Variants in GSTM2 observed in about 807,000 individuals in gnomAD.
GSTM2 encodes the protein GST class-mu 2.
In GSTM2, 33 loss-of-function variants were observed where a neutral mutation model predicts 33.3. The observed-to-expected ratio is 0.99, with a 90% CI of 0.75 to 1.33. The LOEUF (loss-of-function observed/expected upper bound fraction) is 1.33. Among genes scored for constraint, GSTM2 ranks in the 40% most tolerant of loss-of-function variants. The pLI is 0.00. For synonymous variants in GSTM2, 93 were observed against 95.6 expected (o/e 0.97, Z 0.16); for missense variants, 213 against 265.8 (o/e 0.80, Z 1.38).
rs746429241 is a variant in GSTM2, at chr1:109,668,523, G to A, written c.112+23G>A. ...ACGGTAATGGCACCCTCGAGTCTGG[G>A]CCCTGCCCCCTCACACTAAGTTGGC... On this transcript the variant is annotated intron_variant, in intron 2 of 7. Coordinates refer to ENST00000241337, the MANE Select transcript of GSTM2 (RefSeq NM_000848.4). 9 of 1,613,008 alleles carry A rather than the reference G, an allele frequency of 5.6e-6. No homozygotes were observed. The Admixed American group carries it at 1.5e-4, about 27-fold the overall frequency.
chr1:109,680,449 GA>G (rs1647836573), intron 7 of GSTM2, among the ~76,000 whole-genome samples: 2 of 148,436 alleles, frequency 1.3e-5, no homozygotes, highest in South Asian at 4.5e-4. Context: ...TTTGAGGGAA[GA>G]TATTATCTTT....
downstream of GSTM2, among the ~76,000 whole-genome samples, chr1:109,678,061 G>T (rs573692226): frequency 1.3e-5 from 2 of 152,276 alleles, no homozygotes; most frequent in South Asian, 4.1e-4. Flanking sequence ...ATTCTCTTTA[G>T]ATTTTTATTC....
intron 2 of GSTM2, 26 bp downstream of exon 2, chr1:109,668,526 C>G (rs775676453): frequency 1.1e-5 from 17 of 1,611,754 alleles, no homozygotes; most frequent in Admixed American, 1.7e-5. Context: ...AGTCTGGGCC[C>G]TGCCCCCTCA....
chr1:109,669,766 G>A lies in GSTM2; in HGVS notation c.360+195G>A, dbSNP rs568148096. The A allele has an allele frequency of 3.8e-5, 22 of 575,978 alleles. No homozygotes were observed. In the South Asian group the frequency reaches 4.0e-4, roughly 11 times the overall value. The allele number at this position is 575,978 out of a possible 1,614,324, so 35.7% of individuals were successfully genotyped here. A position where few individuals can be genotyped will look rare whatever the true frequency, so the allele number is the denominator to read the frequency against. ...GTGTCCGGAGTTTGTTCCTTCAGAT[G>A]TTCAGATGTGTCCGCAGTTTCTTCC... On this transcript the variant is annotated intron_variant, in intron 5 of 7. Coordinates refer to ENST00000241337, the MANE Select transcript of GSTM2 (RefSeq NM_000848.4).
intron 7 of GSTM2, 122 bp downstream of exon 7, chr1:109,671,705 C>T (rs1344933040): frequency 1.8e-5 from 13 of 735,058 alleles, no homozygotes; most frequent in Admixed American, 5.9e-5. Context: ...CGGTGGCTCA[C>T]GCCTGTAATC....
rs749281284 is a variant in GSTM2, at chr1:109,669,462, C to T, written c.260-9C>T. The T allele has an allele frequency of 2.1e-5, 34 of 1,613,528 alleles. No individual in the cohort carries two copies. The highest frequency in any genetic ancestry group is 4.0e-5 in the African/African-American group (3 of 74,896). On this transcript the variant is annotated splice_polypyrimidine_tract_variant and intron_variant, in intron 4 of 7. Coordinates refer to ENST00000241337, the MANE Select transcript of GSTM2 (RefSeq NM_000848.4). ...TGAGGCTGAGAGTGAATCTGCTTTACGAGGGTAGGCGGGGAATCAGAAAAG... is the reference window on the plus strand; with the variant it reads ...TGAGGCTGAGAGTGAATCTGCTTTATGAGGGTAGGCGGGGAATCAGAAAAG...
At chr1:109,678,808 C>T (rs1050768286), downstream of GSTM2, among the ~76,000 whole-genome samples, 1 of 151,490 alleles carries the variant, frequency 6.6e-6, no homozygotes, top group Non-Finnish European at 1.5e-5. Context: ...TATATGCATG[C>T]CTACTTCTAA....
chr1:109,669,195 C>T, intron 3 of GSTM2, 95 bp from the exon 4 acceptor site: 2 of 1,424,996 alleles, frequency 1.4e-6, no homozygotes, highest in Non-Finnish European at 9.9e-7. Context: ...CTGCCATGAG[C>T]AGGCCCTGGT....
At chr1:109,670,352 C>T (rs1317535771) in intron 5 of GSTM2, 2 of 152,030 alleles carry the variant, frequency 1.3e-5, no homozygotes, top group Non-Finnish European at 2.9e-5. Context: ...CCAGCTTCAC[C>T]TCTCATTTTG....
chr1:109,678,599 A>T (rs565702189), downstream of GSTM2, among the ~76,000 whole-genome samples: 32 of 150,930 alleles, frequency 2.1e-4, no homozygotes, highest in African/African-American at 7.3e-4. Context: ...TATCAAAATT[A>T]TTTTTTTTTG....
intron 1 of GSTM2, 116 bp from the exon 2 acceptor site, chr1:109,668,309 G>A: frequency 7.3e-7 from 1 of 1,370,024 alleles, no homozygotes; most frequent in Non-Finnish European, 1.0e-6. Flanking sequence ...TGGGCGTGCG[G>A]GGTGGGGGCG....
chr1:109,679,801 T>G (rs1647813756), downstream of GSTM2, among the ~76,000 whole-genome samples: 3 of 152,206 alleles, frequency 2.0e-5, no homozygotes, highest in South Asian at 6.2e-4. Context: ...CTCAGATGGC[T>G]GGTAAAATTA....
chr1:109,672,115 T>C (rs1490128449), intron 7 of GSTM2, among the ~76,000 whole-genome samples: 1 of 142,088 alleles, frequency 7.0e-6, no homozygotes, highest in East Asian at 2.1e-4. Flanking sequence ...CCCCTGTCTC[T>C]ACTAAAAATA....
At position 109,668,467 on chromosome 1, in the gene GSTM2, A is replaced by T. The variant is rs1409750237; in HGVS notation, c.79A>T (p.Ser27Cys). 6.2e-7 allele frequency: 1 copy of T among 1,614,190 alleles called. No homozygotes were observed. Among genetic ancestry groups the T allele is most frequent in the Admixed American group, 1.7e-5 (1 of 60,022 alleles). ...IRLLLEYTDS[S>C]YEEKKYTMGD... ...CCTGCTCCTGGAATACACAGACTCAAGCTACGAGGAAAAGAAGTACACGAT... is the reference window on the plus strand; with the variant it reads ...CCTGCTCCTGGAATACACAGACTCATGCTACGAGGAAAAGAAGTACACGAT... Residue 27 changes from serine (S) to cysteine (C), a missense_variant, in exon 2 of 8, where the codon AGC becomes TGC. Ser to Cys is a moderately radical substitution (Grantham distance 112, BLOSUM62 -1). Coordinates refer to ENST00000241337, the MANE Select transcript of GSTM2 (RefSeq NM_000848.4).
intron 5 of GSTM2, 87 bp downstream of exon 5, chr1:109,669,658 C>A: frequency 1.2e-6 from 1 of 844,726 alleles, no homozygotes; most frequent in South Asian, 1.6e-5. Context: ...AAATTGATTC[C>A]TTCTGGTGAG....
chr1:109,674,116 C>G (rs1647639025), intron 7 of GSTM2, among the ~76,000 whole-genome samples: 1 of 152,226 alleles, frequency 6.6e-6, no homozygotes, highest in African/African-American at 2.4e-5. Context: ...CCCCATTCCA[C>G]TTTCATCCAG....
chr1:109,668,129 T>A lies in GSTM2; in HGVS notation c.14T>A (p.Leu5Gln). The A allele has an allele frequency of 6.2e-7, 1 of 1,600,524 alleles. No individual in the cohort carries two copies. Among genetic ancestry groups the A allele is most frequent in the Non-Finnish European group, 8.5e-7 (1 of 1,173,830 alleles). MPMT[L>Q]GYWNIRGLAH... ...GCAACCAGCACCATGCCCATGACAC[T>A]GGGGTACTGGAACATCCGCGGGGTG... Residue 5 changes from leucine to glutamine, a missense_variant, in exon 1 of 8, where the codon CTG (leucine) becomes CAG (glutamine). Physicochemically the swap from Leu to Gln is moderately radical, Grantham distance 113. Transcript: ENST00000241337.
downstream of GSTM2, among the ~76,000 whole-genome samples, chr1:109,677,228 G>A (rs372826898): frequency 6.6e-5 from 10 of 152,256 alleles, no homozygotes; most frequent in African/African-American, 2.4e-4. Flanking sequence ...ATTGCTGGTG[G>A]GAAAGCCACT....
rs1647423477 is a variant in GSTM2, at chr1:109,668,773, C to T, written c.113-152C>T. 4 of 1,004,888 alleles carry T rather than the reference C, an allele frequency of 4.0e-6. No homozygotes were observed. The South Asian group carries it at 4.2e-5, about 11-fold the overall frequency. The allele number at this position is 1,004,888 out of a possible 1,614,324, so 62.2% of individuals were successfully genotyped here. The stretch of plus-strand genomic sequence containing the variant: ...GGGGTCCAGAGCCCTCACTGGAATT[C>T]TTTTTCTCTGAATCCTGGGATGTGG... On this transcript the variant is annotated intron_variant, in intron 2 of 7. Coordinates refer to ENST00000241337, the MANE Select transcript of GSTM2 (RefSeq NM_000848.4).
Sources: allele counts gnomAD v4.1 joint callset (sites outside exome capture counted in the v4.1 genomes callset), GRCh38; gene constraint gnomAD v4.1.1; transcripts MANE v1.5; gene names NCBI Gene and HGNC (gene_info 2026-07-23, HGNC 2026-07-21).